CREBBP: variants seen among roughly 807,000 people sequenced by gnomAD.
CREBBP encodes CREB binding lysine acetyltransferase.
In CREBBP, 19 loss-of-function variants were observed where a neutral mutation model predicts 265.0. The ratio of observed to expected loss-of-function variants is 0.07; its 90% CI spans 0.05 to 0.11. The LOEUF is 0.11. Ranked by LOEUF, CREBBP falls within the 10% of genes least tolerant of loss-of-function variation. CREBBP has a pLI of 1.00. For synonymous variants in CREBBP, 1,457 were observed against 1,223.7 expected, an observed-to-expected ratio of 1.19 and a Z score of -3.98; for missense variants, 2,525 against 3,219.0, an observed-to-expected ratio of 0.78 and a Z score of 5.22.
At chr16:3,786,701 C>T (rs1343314234) in intron 5 of CREBBP, among the ~76,000 whole-genome samples, 1 of 152,166 alleles carries the variant, frequency 6.6e-6, no homozygotes, top group African/African-American at 2.4e-5. Flanking sequence ...GGCTTGAGTC[C>T]ACCTGGTTTT....
intron 2 of CREBBP, among the ~76,000 whole-genome samples, chr16:3,844,743 C>A (rs1161080956): frequency 1.3e-5 from 2 of 152,084 alleles, no homozygotes; most frequent in African/African-American, 4.8e-5. Context: ...ATTAAGATAA[C>A]CCCATAAAGC....
Position 3,781,414 on chromosome 16 carries a change from T to C in CREBBP, c.1574-108A>G, listed in dbSNP as rs1016095934. On this transcript the variant is annotated intron_variant, in intron 6 of 30. Transcript: ENST00000262367. ...ACCATATAAACAATTGGTGGTTATTTAAATAAGTGATTCTGGCCAGTTATA... is the reference window on the plus strand; with the variant it reads ...ACCATATAAACAATTGGTGGTTATTCAAATAAGTGATTCTGGCCAGTTATA... 8 of 886,098 alleles carry C rather than the reference T, an allele frequency of 9.0e-6. No homozygotes were observed. The African/African-American group carries it at 1.2e-4, about 13-fold the overall frequency. The allele number at this position is 886,098 out of a possible 1,614,324, so 54.9% of individuals were successfully genotyped here.
chr16:3,751,858 C>T (rs2052481872), intron 19 of CREBBP, 52 bp from the exon 20 acceptor site: 3 of 1,571,618 alleles, frequency 1.9e-6, no homozygotes, highest in African/African-American at 2.7e-5. Flanking sequence ...TAACACACAG[C>T]CACCCAAGCA....
At chr16:3,852,255 G>A (rs2054868176) in intron 1 of CREBBP, among the ~76,000 whole-genome samples, 1 of 129,940 alleles carries the variant, frequency 7.7e-6, no homozygotes, top group Non-Finnish European at 1.6e-5. Context: ...TGCAAGGTCC[G>A]CCTCCCGGGT....
rs1303321866 is a variant in CREBBP, at chr16:3,726,236, G to C, written c.*1482C>G. 4.5e-6 allele frequency: 1 copy of C among 223,680 alleles called. No individual in the cohort carries two copies. Among genetic ancestry groups the C allele is most frequent in the African/African-American group, 2.3e-5 (1 of 43,128 alleles). 13.9% of individuals were successfully genotyped at this position (223,680 alleles called of 1,614,324 possible). The stretch of plus-strand genomic sequence containing the variant: ...CTCTGCCTCAGATTCTGGGAGTCGT[G>C]TACGGGGGGGGGGAGCCGCCTGAAC... On this transcript the variant is annotated 3_prime_UTR_variant, in exon 31 of 31. Coordinates refer to ENST00000262367, the MANE Select transcript of CREBBP (RefSeq NM_004380.3).
At chr16:3,762,816 C>A in intron 16 of CREBBP, among the ~76,000 whole-genome samples, 1 of 150,474 alleles carries the variant, frequency 6.6e-6, no homozygotes, top group East Asian at 2.0e-4. Flanking sequence ...GCTCTGTCGC[C>A]CAGGCTGGAG....
At chr16:3,818,278 G>A (rs1009585429) in intron 2 of CREBBP, among the ~76,000 whole-genome samples, 5 of 151,468 alleles carry the variant, frequency 3.3e-5, no homozygotes, top group African/African-American at 1.2e-4. Flanking sequence ...AACAAGTGCC[G>A]AGTTTGATGT....
chr16:3,846,570 T>C (rs1403967947), intron 2 of CREBBP, among the ~76,000 whole-genome samples: 3 of 152,196 alleles, frequency 2.0e-5, no homozygotes, highest in Non-Finnish European at 2.9e-5. Flanking sequence ...TCAGCCTACA[T>C]GGCACAAGTC....
intron 2 of CREBBP, among the ~76,000 whole-genome samples, chr16:3,828,843 T>C (rs370153569): frequency 1.1e-4 from 17 of 152,196 alleles, no homozygotes; most frequent in African/African-American, 4.1e-4. Context: ...AAAAGACATA[T>C]GGCACCCACC....
At chr16:3,831,398 A>C (rs1288521345) in intron 2 of CREBBP, among the ~76,000 whole-genome samples, 1 of 152,176 alleles carries the variant, frequency 6.6e-6, no homozygotes, top group Non-Finnish European at 1.5e-5. Context: ...GATTTAAAGG[A>C]TTCAAAGAAA....
At position 3,767,737 on chromosome 16, in the gene CREBBP, G is replaced by C. The variant is rs942848385; in HGVS notation, c.3233C>G (p.Ser1078Trp). ...NGTASQSTSPSQPRKKIFKPE... is the reference protein window; with the variant it reads ...NGTASQSTSPWQPRKKIFKPE... ...TGGCCTACTTTTTTTGCGCGGCTGC[G>C]AAGGAGATGTTGACTGAGAGGCTGT... The change falls in exon 16 of 31, where the codon TCG becomes TGG. Residue 1078 changes from serine (S) to tryptophan (W), a missense_variant. Around this residue, in one of 19 missense-constraint regions of CREBBP, gnomAD observed 548 missense variants for 533.0 expected, o/e 1.03. Transcript: ENST00000262367. The C allele has an allele frequency of 6.2e-7, 1 of 1,614,268 alleles. No homozygotes were observed. Among genetic ancestry groups the C allele is most frequent in the Non-Finnish European group, 8.5e-7 (1 of 1,180,042 alleles).
At chr16:3,797,847 T>C (rs2053638217) in intron 3 of CREBBP, among the ~76,000 whole-genome samples, 3 of 151,430 alleles carry the variant, frequency 2.0e-5, no homozygotes, top group African/African-American at 4.9e-5. Context: ...TTTAAAAACT[T>C]TTAGGACATG....
At chr16:3,737,443 TTTTTC>T (rs1247751114) in intron 26 of CREBBP, among the ~76,000 whole-genome samples, 2 of 150,370 alleles carry the variant, frequency 1.3e-5, no homozygotes, top group East Asian at 3.9e-4. Context: ...AGGAACATTT[TTTTTC>T]TTTTTTCTTT....
chr16:3,849,425 GTGTGTGTGTGTGTGTGTGT>G (rs1567360056), intron 2 of CREBBP, among the ~76,000 whole-genome samples: 107 of 10,574 alleles, frequency 0.01, 3 homozygotes, highest in East Asian at 0.028. Flanking sequence ...GTGTGTGTGT[GTGTGTGTGTGTGTGTGTGT>G]GTGTGTGTGT....
Position 3,729,596 on chromosome 16 carries a change from C to T in CREBBP, c.5451G>A (p.Pro1817=), listed in dbSNP as rs373848722. ...AGAGGGCGATGAGCTGCTTGCACACCGGGCAGCCCCCGTTGGTCTTGCGTT... is the reference window on the plus strand; with the variant it reads ...AGAGGGCGATGAGCTGCTTGCACACTGGGCAGCCCCCGTTGGTCTTGCGTT... The part of the protein sequence containing the change: ...GCKRKTNGGC[P]VCKQLIALCC... The change falls in exon 31 of 31, where the codon CCG becomes CCA. Residue 1817 remains proline, a synonymous_variant. Transcript: ENST00000262367. The T allele has an allele frequency of 2.8e-5, 45 of 1,614,048 alleles. 1 individual carries two copies. Among genetic ancestry groups the T allele is most frequent in the Middle Eastern group, 1.6e-4 (1 of 6,084 alleles).
intron 15 of CREBBP, 150 bp from the exon 16 acceptor site, chr16:3,768,059 G>A: frequency 1.6e-6 from 1 of 625,356 alleles, no homozygotes; most frequent in South Asian, 1.6e-5. Flanking sequence ...TCTTCCGGAA[G>A]AAGAAATAAA....
At chr16:3,815,816 T>C (rs1446935047) in intron 2 of CREBBP, among the ~76,000 whole-genome samples, 2 of 152,080 alleles carry the variant, frequency 1.3e-5, no homozygotes, top group Non-Finnish European at 2.9e-5. Flanking sequence ...AATTACAGTC[T>C]TTCAGTTATT....
In CREBBP at chr16:3,867,297, C is replaced by A. The variant is rs187955550; in HGVS notation, c.85+12535G>T. The stretch of plus-strand genomic sequence containing the variant: ...GAATTAATTTTAAAAAAACTTTAAG[C>A]CTAGGCAACATAGCAAGACCCTGTC... On this transcript the variant is annotated intron_variant, in intron 1 of 30. Coordinates refer to ENST00000262367, the MANE Select transcript of CREBBP (RefSeq NM_004380.3). 1.0e-3 allele frequency among the ~76,000 whole-genome samples: 157 copies of A among 152,216 alleles called. No homozygotes were observed. In the Middle Eastern group the frequency reaches 0.014, roughly 13 times the overall value.
chr16:3,876,410 A>AC (rs1467213497), intron 1 of CREBBP, among the ~76,000 whole-genome samples: 10 of 145,278 alleles, frequency 6.9e-5, no homozygotes, highest in African/African-American at 2.4e-4. Context: ...AAAAAAAAAA[A>AC]AAAAAAAAAA....
Sources: allele counts gnomAD v4.1 joint callset (sites outside exome capture counted in the v4.1 genomes callset), GRCh38; gene constraint gnomAD v4.1.1; regional missense constraint gnomAD v4.1.1; transcripts MANE v1.5; gene names NCBI Gene and HGNC (gene_info 2026-07-23, HGNC 2026-07-21).